The following BRD4 variants were observed in gnomAD, a reference collection of about 807,000 sequenced individuals.
BRD4 encodes the protein bromodomain-containing protein 4.
In BRD4, 16 loss-of-function variants were observed where a neutral mutation model predicts 142.1. The observed-to-expected ratio is 0.11, with a 90% CI of 0.08 to 0.17. The LOEUF is 0.17. Ranked by LOEUF, BRD4 falls within the 10% of genes least tolerant of loss-of-function variation. BRD4 has a pLI of 1.00. For missense variants in BRD4, 1,424 were observed against 1,810.9 expected (o/e 0.79, Z 3.88); for synonymous variants, 833 against 707.5 (o/e 1.18, Z -2.82).
intron 1 of BRD4, among the ~76,000 whole-genome samples, chr19:15,288,641 C>T (rs1401992358): frequency 2.6e-5 from 4 of 152,218 alleles, no homozygotes; most frequent in Admixed American, 2.0e-4. Flanking sequence ...CCAAAGCAGC[C>T]GAGCAGCTGG....
intron 8 of BRD4, 141 bp downstream of exon 8, chr19:15,256,823 G>C (rs915405352): frequency 4.2e-6 from 3 of 712,640 alleles, no homozygotes; most frequent in Non-Finnish European, 6.8e-6. Context: ...ACCTAGCAAA[G>C]GGGAAAAGGC....
At chr19:15,248,362 A>C in intron 11 of BRD4, 1 of 215,304 alleles carries the variant, frequency 4.6e-6, no homozygotes, top group Non-Finnish European at 9.4e-6. Flanking sequence ...TCCATGGGGC[A>C]GTCCCTGAGG....
rs77824528 is a variant in BRD4, at chr19:15,280,737, T to C, written c.-34-7604A>G. Reference sequence around the variant, plus strand: ...GAAATCACAAGTTCACAGTCACACATACCCTTCAGGTAGAGGAGGTCACCT... The same window carrying C: ...GAAATCACAAGTTCACAGTCACACACACCCTTCAGGTAGAGGAGGTCACCT... On this transcript the variant is annotated intron_variant, in intron 1 of 19. Transcript: ENST00000679869. 4.0e-3 allele frequency among the ~76,000 whole-genome samples: 602 copies of C among 152,302 alleles called. 13 individuals carry two copies. Among genetic ancestry groups the C allele is most frequent in the Admixed American group, 0.023 (352 of 15,300 alleles).
At chr19:15,252,405 G>A (rs1256807825) in intron 11 of BRD4, among the ~76,000 whole-genome samples, 2 of 152,234 alleles carry the variant, frequency 1.3e-5, no homozygotes, top group Non-Finnish European at 2.9e-5. Context: ...ACCCCTGGTA[G>A]GAGAAGTCAA....
intron 1 of BRD4, among the ~76,000 whole-genome samples, chr19:15,330,495 G>C (rs2048147621): frequency 6.6e-6 from 1 of 152,170 alleles, no homozygotes; most frequent in Admixed American, 6.6e-5. Context: ...GCCGGGAACG[G>C]TGGCTCATGC....
intron 8 of BRD4, 85 bp downstream of exon 8, chr19:15,256,879 C>G: frequency 7.8e-7 from 1 of 1,285,126 alleles, no homozygotes; most frequent in Non-Finnish European, 1.1e-6. Flanking sequence ...AACTCAGAAC[C>G]AAGAACATCT....
At chr19:15,247,294 G>A (rs1568379714) in intron 11 of BRD4, 5 of 218,794 alleles carry the variant, frequency 2.3e-5, no homozygotes, top group Admixed American at 5.8e-5. Flanking sequence ...AGGACCCACA[G>A]CCAGCTGGTG....
intron 1 of BRD4, among the ~76,000 whole-genome samples, chr19:15,304,203 G>A (rs559614371): frequency 1.3e-5 from 2 of 152,068 alleles, no homozygotes; most frequent in African/African-American, 4.8e-5. Context: ...AAATGCTGAC[G>A]ACTACCAGGT....
intron 1 of BRD4, among the ~76,000 whole-genome samples, chr19:15,303,739 AACCT>A (rs2145693479): frequency 6.6e-6 from 1 of 152,310 alleles, no homozygotes; most frequent in Non-Finnish European, 1.5e-5. Context: ...CTGAATACAG[AACCT>A]ATCTGCCAAC....
At chr19:15,241,543 G>A (rs1599431195) in intron 14 of BRD4, among the ~76,000 whole-genome samples, 1 of 152,224 alleles carries the variant, frequency 6.6e-6, no homozygotes, top group Non-Finnish European at 1.5e-5. Context: ...AGCCTGCTGG[G>A]GCTTGGGTCA....
rs148891908 is a variant in BRD4, at chr19:15,260,907, A to G, written c.1341+2513T>C. On this transcript the variant is annotated intron_variant, in intron 7 of 19. Transcript: ENST00000679869. ...GAGAGGACAGAAAAAATGAGACAAA[A>G]ATGAGGAAGGAAGGGCTAGAACACA... Among the ~76,000 whole-genome samples, 127 of 152,260 alleles carry G rather than the reference A, an allele frequency of 8.3e-4. 1 individual carries two copies. Among genetic ancestry groups the G allele is most frequent in the Non-Finnish European group, 1.5e-3 (101 of 68,014 alleles).
chr19:15,261,208 C>A (rs987714110), intron 7 of BRD4, among the ~76,000 whole-genome samples: 1 of 152,170 alleles, frequency 6.6e-6, no homozygotes, highest in Admixed American at 6.5e-5. Flanking sequence ...AAAGTCTGGC[C>A]GGGCACGGTG....
chr19:15,328,780 T>C (rs2048131668), intron 1 of BRD4, among the ~76,000 whole-genome samples: 1 of 152,158 alleles, frequency 6.6e-6, no homozygotes, highest in African/African-American at 2.4e-5. Context: ...TCTGGTTTTG[T>C]TTTTTGTTTT....
At chr19:15,319,782 CA>C (rs2048045938) in intron 1 of BRD4, among the ~76,000 whole-genome samples, 2 of 151,526 alleles carry the variant, frequency 1.3e-5, no homozygotes, top group Admixed American at 6.6e-5. Flanking sequence ...AAAAAAATAC[CA>C]AAATTAGATG....
intron 1 of BRD4, among the ~76,000 whole-genome samples, chr19:15,296,023 G>C (rs1033023847): frequency 2.0e-5 from 3 of 151,888 alleles, no homozygotes; most frequent in African/African-American, 7.3e-5. Flanking sequence ...AAAGAATTCC[G>C]GCCAGGCACA....
Position 15,269,059 on chromosome 19 carries a change from A to C in BRD4, c.286-17T>G, listed in dbSNP as rs747615010. 1 of 1,613,578 alleles carries C rather than the reference A, an allele frequency of 6.2e-7. No homozygotes were observed. Among genetic ancestry groups the C allele is most frequent in the Non-Finnish European group, 8.5e-7 (1 of 1,179,788 alleles). ...ATAGTAATCCTGGAGAGCAGAGAGC[A>C]AAAGTCCAGTGTCACCTAGGCAGCC... On this transcript the variant is annotated splice_polypyrimidine_tract_variant and intron_variant, in intron 2 of 19. Coordinates refer to ENST00000679869, the MANE Select transcript of BRD4 (RefSeq NM_001379291.1).
chr19:15,331,808 G>C (rs1479555255), intron 1 of BRD4: 3 of 149,032 alleles, frequency 2.0e-5, no homozygotes, highest in African/African-American at 7.3e-5. Context: ...AGCTGCGCTC[G>C]CGGCCCCCGC....
chr19:15,324,749 G>C (rs1568413372), intron 1 of BRD4, among the ~76,000 whole-genome samples: 1 of 152,208 alleles, frequency 6.6e-6, no homozygotes, highest in Non-Finnish European at 1.5e-5. Context: ...TTTTAGGCTT[G>C]AGGATACACT....
In BRD4 at chr19:15,295,816, C is replaced by T. The variant is rs556537724; in HGVS notation, c.-34-22683G>A. ...TGAAACTCTGTCTCTACTAAAAATA[C>T]AAAAATTAGCCAGGCATAGTGGCAC... On this transcript the variant is annotated intron_variant, in intron 1 of 19. Transcript: ENST00000679869. Among the ~76,000 whole-genome samples the T allele has an allele frequency of 2.0e-5, 3 of 152,216 alleles. No individual in the cohort carries two copies. In the South Asian group the frequency reaches 6.2e-4, roughly 32 times the overall value.
Sources: allele counts gnomAD v4.1 joint callset (sites outside exome capture counted in the v4.1 genomes callset), GRCh38; gene constraint gnomAD v4.1.1; transcripts MANE v1.5; gene names NCBI Gene and HGNC (gene_info 2026-07-23, HGNC 2026-07-21).